WDR33: variants seen among roughly 807,000 people sequenced by gnomAD.
The protein encoded by WDR33 is WD repeat domain 33.
Under a neutral mutation model 164.9 loss-of-function variants are expected in WDR33, and 47 were observed. The ratio of observed to expected loss-of-function variants is 0.29; its 90% CI spans 0.23 to 0.36. The LOEUF (loss-of-function observed/expected upper bound fraction) is 0.36. Among genes scored for constraint, WDR33 ranks in the 10% least tolerant of loss-of-function variants. The pLI, the probability that WDR33 is intolerant of heterozygous loss-of-function variation, is 1.00. For missense variants in WDR33, 1,137 were observed against 1,754.1 expected, an observed-to-expected ratio of 0.65 and a Z score of 6.28; for synonymous variants, 505 against 589.0, an observed-to-expected ratio of 0.86 and a Z score of 2.06.
chr2:127,790,100 G>A (rs1289119546), intron 1 of WDR33, among the ~76,000 whole-genome samples: 1 of 152,014 alleles, frequency 6.6e-6, no homozygotes, highest in African/African-American at 2.4e-5. Context: ...GCCTCCCAAA[G>A]TGATGGGATT....
In WDR33 at chr2:127,735,844, C is replaced by T. The variant is rs76755476; in HGVS notation, c.725-9067G>A. 336 of 985,404 alleles carry T rather than the reference C, an allele frequency of 3.4e-4. 6 individuals are homozygous for T. In the East Asian group the frequency reaches 0.012, roughly 35 times the overall value. The allele number at this position is 985,404 out of a possible 1,614,324, so 61.0% of individuals were successfully genotyped here. On this transcript the variant is annotated intron_variant, in intron 7 of 21. Coordinates refer to ENST00000322313, the MANE Select transcript of WDR33 (RefSeq NM_018383.5). The surrounding 1 kb of genome is among the most constrained non-coding windows in gnomAD (Gnocchi z 4.3). ...AATGCAAAATGATTTCACCACAACC[C>T]AACAGTCAACATCAACTTGGAGTGA...
chr2:127,747,690 C>T (rs1428847655), intron 7 of WDR33, among the ~76,000 whole-genome samples: 6 of 152,224 alleles, frequency 3.9e-5, no homozygotes, highest in Non-Finnish European at 8.8e-5. Context: ...CCAAATTCTC[C>T]CCAATTGCTC....
chr2:127,707,251 A>G (rs1462646630), intron 21 of WDR33, among the ~76,000 whole-genome samples: 1 of 151,850 alleles, frequency 6.6e-6, no homozygotes, highest in African/African-American at 2.4e-5. Context: ...AAAAAGAAAA[A>G]AAAGAAAGGA....
Position 127,726,325 on chromosome 2 carries a change from C to T in WDR33, c.851+326G>A, listed in dbSNP as rs1203943352. 6.6e-6 allele frequency among the ~76,000 whole-genome samples: 1 copy of T among 152,130 alleles called. No homozygotes were observed. Among genetic ancestry groups the T allele is most frequent in the Admixed American group, 6.5e-5 (1 of 15,278 alleles). ...GGCCGTGTCTAGTAAGGGGCACACA[C>T]GTCAACTCCTCACAGTGCCACAAGG... On this transcript the variant is annotated intron_variant, in intron 8 of 21. Transcript: ENST00000322313. This position sits in a 1 kb window ranked among gnomAD's most constrained non-coding sequence, Gnocchi z 4.8.
At chr2:127,777,083 T>C (rs148684678) in intron 1 of WDR33, among the ~76,000 whole-genome samples, 5 of 152,286 alleles carry the variant, frequency 3.3e-5, no homozygotes, top group African/African-American at 1.2e-4. Context: ...GGAACTGAGG[T>C]AGAGAAAAGA....
At chr2:127,797,475 G>A (rs533414468) in intron 1 of WDR33, among the ~76,000 whole-genome samples, 1 of 152,182 alleles carries the variant, frequency 6.6e-6, no homozygotes, top group Admixed American at 6.5e-5. Flanking sequence ...CTGGGTGACA[G>A]AACAAGACTA....
rs1167458418 is a variant in WDR33, at chr2:127,701,858, G to C, written c.*4465C>G. The C allele has an allele frequency of 2.1e-6, 3 of 1,461,400 alleles. No individual in the cohort carries two copies. Among genetic ancestry groups the C allele is most frequent in the South Asian group, 2.6e-5 (2 of 77,964 alleles). 90.5% of individuals were successfully genotyped at this position (1,461,400 alleles called of 1,614,324 possible). ...TGCTGCGCGCGCGCAAGTTCGCGCT[G>C]CTCTGGTCACTGGGCTCGGCGCTGG... On this transcript the variant is annotated 3_prime_UTR_variant, in exon 22 of 22. Transcript: ENST00000322313.
chr2:127,726,602 GC>G lies in WDR33; in HGVS notation c.851+48del. ...AAAGCTAAAAGTTAAAGGACACACT[GC>G]TTTGCTCCCCTTTGTTCAGGGGCCA... is the stretch of plus-strand genomic sequence containing the variant. On this transcript the variant is annotated intron_variant, in intron 8 of 21. Coordinates refer to ENST00000322313, the MANE Select transcript of WDR33 (RefSeq NM_018383.5). The surrounding 1 kb of genome is among the most constrained non-coding windows in gnomAD (Gnocchi z 4.8). 6.2e-7 allele frequency: 1 copy of G among 1,603,008 alleles called. No homozygotes were observed. Among genetic ancestry groups the G allele is most frequent in the Non-Finnish European group, 8.5e-7 (1 of 1,175,294 alleles).
chr2:127,767,898 C>T (rs1332558621), intron 4 of WDR33, among the ~76,000 whole-genome samples: 1 of 152,114 alleles, frequency 6.6e-6, no homozygotes, highest in Non-Finnish European at 1.5e-5. Flanking sequence ...TTAATAAAAG[C>T]ATTCCTACTC....
chr2:127,722,561 C>T lies in WDR33; in HGVS notation c.1518+30G>A, dbSNP rs370150997. ...AAACTAACCAACCAAAACCTCTCTG[C>T]GTGGATGAGGTGGAGTCACTTTTAC... On this transcript the variant is annotated intron_variant, in intron 14 of 21. Transcript: ENST00000322313. The surrounding 1 kb of genome is among the most constrained non-coding windows in gnomAD (Gnocchi z 5.1). The T allele has an allele frequency of 1.9e-6, 3 of 1,606,226 alleles. No homozygotes were observed. Among genetic ancestry groups the T allele is most frequent in the South Asian group, 1.1e-5 (1 of 89,184 alleles).
intron 7 of WDR33, among the ~76,000 whole-genome samples, chr2:127,747,165 A>G (rs1687190387): frequency 6.6e-6 from 1 of 152,230 alleles, no homozygotes; most frequent in African/African-American, 2.4e-5. Flanking sequence ...TAATTCTGGC[A>G]TCTACACAAT....
At chr2:127,773,826 C>T (rs749385721) in intron 1 of WDR33, among the ~76,000 whole-genome samples, 7 of 151,732 alleles carry the variant, frequency 4.6e-5, no homozygotes, top group South Asian at 2.1e-4. Flanking sequence ...TGCAGTGGTG[C>T]GATCTCGGCT....
At chr2:127,733,978 C>A (rs1390338427) in intron 7 of WDR33, among the ~76,000 whole-genome samples, 8 of 152,150 alleles carry the variant, frequency 5.3e-5, no homozygotes, top group African/African-American at 1.9e-4. Context: ...CCAATCCTGT[C>A]TTCATCTCAC....
chr2:127,744,582 T>G (rs1687115112), intron 7 of WDR33, among the ~76,000 whole-genome samples: 1 of 152,208 alleles, frequency 6.6e-6, no homozygotes, highest in South Asian at 2.1e-4. Flanking sequence ...AGAACAGTGC[T>G]TACCTCTGGA....
At chr2:127,747,602 C>T (rs1188578616) in intron 7 of WDR33, among the ~76,000 whole-genome samples, 1 of 152,122 alleles carries the variant, frequency 6.6e-6, no homozygotes, top group Non-Finnish European at 1.5e-5. Flanking sequence ...ACGCCAGTGG[C>T]AAAACTAGTG....
Position 127,714,140 on chromosome 2 carries a change from G to T in WDR33, c.2870-119C>A. 8.5e-7 allele frequency: 1 copy of T among 1,175,602 alleles called. No individual in the cohort carries two copies. Among genetic ancestry groups the T allele is most frequent in the South Asian group, 1.9e-5 (1 of 52,406 alleles). 72.8% of individuals were successfully genotyped at this position (1,175,602 alleles called of 1,614,324 possible). A position where few individuals can be genotyped will look rare whatever the true frequency, so the allele number is the denominator to read the frequency against. On this transcript the variant is annotated intron_variant, in intron 17 of 21. Transcript: ENST00000322313. The surrounding 1 kb of genome is among the most constrained non-coding windows in gnomAD (Gnocchi z 4.3). ...TTTATTGAGAATGTTTTCCCTCCTTGGTTCTCAGCTTAGTTAGGAGACAAA... is the reference window on the plus strand; with the variant it reads ...TTTATTGAGAATGTTTTCCCTCCTTTGTTCTCAGCTTAGTTAGGAGACAAA...
intron 7 of WDR33, among the ~76,000 whole-genome samples, chr2:127,756,384 A>C (rs1226406718): frequency 6.6e-6 from 1 of 151,946 alleles, no homozygotes; most frequent in Non-Finnish European, 1.5e-5. Context: ...CTATGAAAAA[A>C]AAAAACCAAA....
At chr2:127,781,443 A>G (rs1182319909) in intron 1 of WDR33, among the ~76,000 whole-genome samples, 1 of 152,224 alleles carries the variant, frequency 6.6e-6, no homozygotes, top group East Asian at 1.9e-4. Flanking sequence ...AACTATAGAT[A>G]CACACAAATA....
chr2:127,810,894 C>T (rs1169791164), intron 1 of WDR33, 118 bp downstream of exon 1: 1 of 152,850 alleles, frequency 6.5e-6, no homozygotes, highest in African/African-American at 2.4e-5. Flanking sequence ...CCAGTTCCTC[C>T]AACCTGTGCC....
Sources: allele counts gnomAD v4.1 joint callset (sites outside exome capture counted in the v4.1 genomes callset), GRCh38; gene constraint gnomAD v4.1.1; non-coding constraint Gnocchi (gnomAD v3.1); transcripts MANE v1.5; gene names NCBI Gene and HGNC (gene_info 2026-07-23, HGNC 2026-07-21).